Variants in IPO13 observed in about 807,000 individuals in gnomAD.
IPO13 encodes importin 13, also known as importin-13.
IPO13 carries 28 observed loss-of-function variants against 115.5 expected under a neutral mutation model. That is an observed-to-expected ratio of 0.24 (90% CI 0.18 to 0.33). IPO13 has a LOEUF of 0.33. IPO13 is among the 10% of genes least tolerant of loss of function. IPO13 has a pLI of 1.00. For synonymous variants in IPO13, 414 were observed against 478.9 expected, an observed-to-expected ratio of 0.86 and a Z score of 1.77; for missense variants, 785 against 1,204.6, an observed-to-expected ratio of 0.65 and a Z score of 5.16.
In IPO13 at chr1:43,966,370, A is replaced by G. The variant is rs748467887; in HGVS notation, c.2398-205A>G. ...CGTACACCTGCGTGTTCATGTACAC[A>G]TACATGTACATAGCATCCCTTGAGC... is the stretch of plus-strand genomic sequence containing the variant. On this transcript the variant is annotated intron_variant, in intron 15 of 19. Coordinates refer to ENST00000372343, the MANE Select transcript of IPO13 (RefSeq NM_014652.4). This position sits in a 1 kb window ranked among gnomAD's most constrained non-coding sequence, Gnocchi z 4.1. 128 of 615,258 alleles carry G rather than the reference A, an allele frequency of 2.1e-4. No homozygotes were observed. The highest frequency in any genetic ancestry group is 3.1e-4 in the Non-Finnish European group (105 of 342,184). 38.1% of individuals were successfully genotyped at this position (615,258 alleles called of 1,614,324 possible). A position where few individuals can be genotyped will look rare whatever the true frequency, so the allele number is the denominator to read the frequency against.
chr1:43,964,870 C>T (rs1571772571), intron 15 of IPO13, among the ~76,000 whole-genome samples: 2 of 152,264 alleles, frequency 1.3e-5, no homozygotes, highest in Middle Eastern at 6.8e-3. Flanking sequence ...GATGTGTTTG[C>T]ATTTTGTATG....
chr1:43,964,198 C>T, intron 14 of IPO13, 71 bp from the exon 15 acceptor site: 1 of 1,061,940 alleles, frequency 9.4e-7, no homozygotes, highest in Non-Finnish European at 1.5e-6. Flanking sequence ...CTCTCAGTCC[C>T]ACATAACTAT....
At chr1:43,951,151 AAGTG>A in intron 2 of IPO13, among the ~76,000 whole-genome samples, 1 of 152,304 alleles carries the variant, frequency 6.6e-6, no homozygotes, top group African/African-American at 2.4e-5. Flanking sequence ...GGCCCTAAAG[AAGTG>A]AGTGTAGTGA....
Position 43,966,978 on chromosome 1 carries a change from G to T in IPO13, c.2572G>T (p.Val858Leu). The change falls in exon 18 of 20, where the codon GTA (valine) becomes TTA (leucine). Residue 858 changes from valine to leucine, a missense_variant. Transcript: ENST00000372343. This position sits in a 1 kb window ranked among gnomAD's most constrained non-coding sequence, Gnocchi z 4.1. ...CGEVESVGKV[V>L]QEDGRMLLIA... ...GGAAGTAGAGTCTGTGGGAAAGGTG[G>T]TACAGGAAGACGGTCGTATGCTGCT... is the stretch of plus-strand genomic sequence containing the variant. The T allele has an allele frequency of 6.2e-7, 1 of 1,613,868 alleles. No homozygotes were observed. The highest frequency in any genetic ancestry group is 8.5e-7 in the Non-Finnish European group (1 of 1,180,022).
At chr1:43,961,066 A>T in intron 13 of IPO13, 53 bp downstream of exon 13, 6 of 1,611,518 alleles carry the variant, frequency 3.7e-6, no homozygotes, top group Non-Finnish European at 5.1e-6. Context: ...GGTGGGTCAG[A>T]TGGCTGCCGT....
chr1:43,965,217 T>C (rs770641425), intron 15 of IPO13, among the ~76,000 whole-genome samples: 2 of 151,874 alleles, frequency 1.3e-5, no homozygotes, highest in Admixed American at 6.6e-5. Flanking sequence ...GTTAGTGTGA[T>C]GGGGGCTTCT....
rs1557636225 is a variant in IPO13, at chr1:43,966,651, GC to G, written c.2464+11del. ...GCTGTGTTCCAGTGTGGTAAGTGGG[GC>G]GAGATGGACAGGTGGGCCTGGGGCT... On this transcript the variant is annotated intron_variant, in intron 16 of 19. Coordinates refer to ENST00000372343, the MANE Select transcript of IPO13 (RefSeq NM_014652.4). The surrounding 1 kb of genome is among the most constrained non-coding windows in gnomAD (Gnocchi z 4.1). 2 of 1,614,196 alleles carry G rather than the reference GC, an allele frequency of 1.2e-6. No individual in the cohort carries two copies. Among genetic ancestry groups the G allele is most frequent in the Non-Finnish European group, 1.7e-6 (2 of 1,180,012 alleles).
At chr1:43,957,701 G>C (rs1571767203) in intron 7 of IPO13, 152 bp downstream of exon 7, 1 of 1,033,090 alleles carries the variant, frequency 9.7e-7, no homozygotes, top group Non-Finnish European at 1.4e-6. Flanking sequence ...GGCAGGTCTA[G>C]GGGGTCCATC....
chr1:43,960,439 G>A (rs962934938), intron 12 of IPO13, 110 bp downstream of exon 12: 4 of 967,572 alleles, frequency 4.1e-6, no homozygotes, highest in East Asian at 2.4e-5. Flanking sequence ...AAACAAGGGA[G>A]GTGAATCCTG....
Position 43,950,003 on chromosome 1 carries a change from A to G in IPO13, c.671A>G (p.Lys224Arg). The G allele has an allele frequency of 6.2e-7, 1 of 1,613,222 alleles. No homozygotes were observed. The highest frequency in any genetic ancestry group is 8.5e-7 in the Non-Finnish European group (1 of 1,179,856). ...AGCTGTGTGCGTCAGAAGGTGCTCA[A>G]GTGTTTCTCCAGCTGGGTGCAGCTG... ...SPSCVRQKVL[K>R]CFSSWVQLEV... Residue 224 changes from lysine (K) to arginine (R), a missense_variant, in exon 2 of 20, where the codon AAG (lysine) becomes AGG (arginine). Coordinates refer to ENST00000372343, the MANE Select transcript of IPO13 (RefSeq NM_014652.4).
At position 43,967,491 on chromosome 1, in the gene IPO13, C is replaced by A. The variant is rs1325109444; in HGVS notation, c.2790C>A (p.Ile930=). Residue 930 remains isoleucine (I), a synonymous_variant, in exon 19 of 20, where the codon ATC becomes ATA. Transcript: ENST00000372343. This position sits in a 1 kb window ranked among gnomAD's most constrained non-coding sequence, Gnocchi z 6.1. ...PEQKDTFSQQ[I]LRERVNKRRV... The stretch of plus-strand genomic sequence containing the variant: ...AGAAGGATACCTTCAGCCAGCAGAT[C>A]CTTCGGTGAGCAGAGCTGGGGTGGG... The A allele has an allele frequency of 4.3e-6, 7 of 1,614,096 alleles. No individual in the cohort carries two copies. In the East Asian group the frequency reaches 1.6e-4, roughly 36 times the overall value.
chr1:43,961,774 G>C (rs1203721889), intron 14 of IPO13, among the ~76,000 whole-genome samples: 1 of 152,154 alleles, frequency 6.6e-6, no homozygotes, highest in East Asian at 1.9e-4. Flanking sequence ...CACATCTTCT[G>C]GGCCCTTGGC....
At position 43,958,662 on chromosome 1, in the gene IPO13, G is replaced by A; in HGVS notation, c.1884+67G>A. 6.2e-7 allele frequency: 1 copy of A among 1,612,248 alleles called. No homozygotes were observed. The highest frequency in any genetic ancestry group is 8.5e-7 in the Non-Finnish European group (1 of 1,178,684). Reference sequence around the variant, plus strand: ...GTGGCTGATGAGGGGTGAGGTTGGAGCTGGCCCTCAGAGCTGAGGCTCAGT... The same window carrying A: ...GTGGCTGATGAGGGGTGAGGTTGGAACTGGCCCTCAGAGCTGAGGCTCAGT... On this transcript the variant is annotated intron_variant, in intron 10 of 19. Transcript: ENST00000372343. The surrounding 1 kb of genome is among the most constrained non-coding windows in gnomAD (Gnocchi z 6.3).
Position 43,956,688 on chromosome 1 carries a change from G to A in IPO13, c.1091G>A (p.Trp364Ter). The A allele has an allele frequency of 6.2e-7, 1 of 1,614,244 alleles. No homozygotes were observed. The highest frequency in any genetic ancestry group is 8.5e-7 in the Non-Finnish European group (1 of 1,180,048). ...ETTSSLTLTF[W>*]YTLQDDILSF... The stretch of plus-strand genomic sequence containing the variant: ...ACCAGCTCCCTAACCCTCACCTTCT[G>A]GTACACACTGCAGGTGTGTCTGTGT... Residue 364 changes from tryptophan (W) to a stop codon, truncating the protein, a stop_gained, in exon 4 of 20, where the codon TGG becomes TAG. Coordinates refer to ENST00000372343, the MANE Select transcript of IPO13 (RefSeq NM_014652.4). LOFTEE classifies it high-confidence loss of function. This position sits in a 1 kb window ranked among gnomAD's most constrained non-coding sequence, Gnocchi z 4.7.
rs1304657430 is a variant in IPO13 at position 43,958,825 on chromosome 1, A to G, written c.1964A>G (p.His655Arg). The stretch of plus-strand genomic sequence containing the variant: ...CTCTTCACCACACTGGACATCAGTC[A>G]TCATGAGGATGATCATGAAGGCCCT... ...SNLFTTLDIS[H>R]HEDDHEGPEL... The change falls in exon 11 of 20, where the codon CAT (histidine) becomes CGT (arginine). Residue 655 changes from histidine to arginine, a missense_variant. His to Arg is a conservative substitution (Grantham distance 29, BLOSUM62 0). Coordinates refer to ENST00000372343, the MANE Select transcript of IPO13 (RefSeq NM_014652.4). The surrounding 1 kb of genome is among the most constrained non-coding windows in gnomAD (Gnocchi z 6.3). 1 of 1,614,070 alleles carries G rather than the reference A, an allele frequency of 6.2e-7. No individual in the cohort carries two copies. The highest frequency in any genetic ancestry group is 8.5e-7 in the Non-Finnish European group (1 of 1,179,972).
At chr1:43,962,962 T>C (rs919670476) in intron 14 of IPO13, among the ~76,000 whole-genome samples, 15 of 152,228 alleles carry the variant, frequency 9.9e-5, no homozygotes, top group African/African-American at 3.4e-4. Flanking sequence ...GAGGGCTCCC[T>C]GCCCTTGGAA....
rs771423401 is a variant in IPO13, at chr1:43,950,056, C to T, written c.724C>T (p.Leu242Phe). 6.2e-7 allele frequency: 1 copy of T among 1,613,700 alleles called. No individual in the cohort carries two copies. The highest frequency in any genetic ancestry group is 1.3e-5 in the African/African-American group (1 of 74,910). The change falls in exon 2 of 20, where the codon CTC (leucine) becomes TTC (phenylalanine). Residue 242 changes from leucine to phenylalanine, a missense_variant. Leu to Phe is a conservative substitution (Grantham distance 22). This residue lies in a region of IPO13 where 325 missense variants were observed against 449.8 expected (regional missense o/e 0.72). Transcript: ENST00000372343. ...GGTGCCGCTGCAGGACTGTGAGGCG[C>T]TCATTCAGGCTGCCTTTGCTGCTCT... is the stretch of plus-strand genomic sequence containing the variant. ...LEVPLQDCEA[L>F]IQAAFAALQD...
In IPO13 at chr1:43,956,634, T is replaced by G; in HGVS notation, c.1037T>G (p.Ile346Ser). 6.2e-6 allele frequency: 10 copies of G among 1,614,220 alleles called. No individual in the cohort carries two copies. Among genetic ancestry groups the G allele is most frequent in the Non-Finnish European group, 8.5e-6 (10 of 1,180,020 alleles). ...AACATGATTATGTTCTGCACAGGCATCCCTGGCCACTATCCTGTCAATGAG... is the reference window on the plus strand; with the variant it reads ...AACATGATTATGTTCTGCACAGGCAGCCCTGGCCACTATCCTGTCAATGAG... ...LVNMIMFCTG[I>S]PGHYPVNETT... The change falls in exon 4 of 20, where the codon ATC becomes AGC. Residue 346 changes from isoleucine to serine, a missense_variant. By Grantham distance (142) the Ile-to-Ser change is moderately radical. This residue lies in a region of IPO13 where 325 missense variants were observed against 449.8 expected (regional missense o/e 0.72). Transcript: ENST00000372343. This position sits in a 1 kb window ranked among gnomAD's most constrained non-coding sequence, Gnocchi z 4.7.
chr1:43,962,473 C>G (rs1376605967), intron 14 of IPO13, among the ~76,000 whole-genome samples: 2 of 152,210 alleles, frequency 1.3e-5, no homozygotes, highest in Non-Finnish European at 2.9e-5. Flanking sequence ...AAAACCCTTT[C>G]ATTGTTCCCA....
Sources: gnomAD v4.1 joint callset for allele counts (sites outside exome capture counted in the v4.1 genomes callset) on GRCh38, gnomAD v4.1.1 for gene constraint, gnomAD v4.1.1 regional missense constraint, Gnocchi (gnomAD v3.1) non-coding constraint, MANE v1.5 for transcripts, NCBI Gene and HGNC (gene_info 2026-07-23, HGNC 2026-07-21) for gene names.